The following ARL5C variants were observed in gnomAD, a reference collection of about 807,000 sequenced individuals.
The protein encoded by ARL5C is ARF like GTPase 5C.
In ARL5C, 21 loss-of-function variants were observed where a neutral mutation model predicts 20.8. The ratio of observed to expected loss-of-function variants is 1.01; its 90% CI spans 0.72 to 1.46. The LOEUF (loss-of-function observed/expected upper bound fraction) is 1.46. ARL5C is among the 40% of genes most tolerant of loss of function. ARL5C has a pLI of 0.00. For missense variants in ARL5C, 199 were observed against 225.1 expected (o/e 0.88, Z 0.74); for synonymous variants, 71 against 81.6 (o/e 0.87, Z 0.70).
At chr17:39,158,828 C>T (rs1224383148) in intron 5 of ARL5C, among the ~76,000 whole-genome samples, 1 of 151,852 alleles carries the variant, frequency 6.6e-6, no homozygotes, top group East Asian at 1.9e-4. Context: ...CACACTTCCA[C>T]TCTCCCTTTT....
intron 5 of ARL5C, among the ~76,000 whole-genome samples, chr17:39,159,276 C>T (rs1185915504): frequency 3.5e-5 from 5 of 144,380 alleles, no homozygotes; most frequent in East Asian, 4.0e-4. Context: ...GGCCTCAAGC[C>T]GTTTACCATT....
Position 39,162,733 on chromosome 17 carries a change from T to C in ARL5C, c.233A>G (p.Asn78Ser). The C allele has an allele frequency of 6.4e-7, 1 of 1,551,720 alleles. No individual in the cohort carries two copies. Among genetic ancestry groups the C allele is most frequent in the South Asian group, 1.2e-5 (1 of 84,050 alleles). Residue 78 changes from asparagine (N) to serine (S), a missense_variant, in exon 3 of 6, where the codon AAC (asparagine) becomes AGC (serine). Transcript: ENST00000269586. ...VRPEALSFIW[N>S]TYYSNTEFII... Reference sequence around the variant, plus strand: ...CACCTCAGTGTTGGAGTAGTATGTGTTCCAGATAAAGCTCAGAGCCTCAGG... The same window carrying C: ...CACCTCAGTGTTGGAGTAGTATGTGCTCCAGATAAAGCTCAGAGCCTCAGG...
At position 39,166,070 on chromosome 17, in the gene ARL5C, C is replaced by T. The variant is rs1045813568; in HGVS notation, c.-310G>A. The T allele has an allele frequency of 2.4e-6, 1 of 419,322 alleles. No homozygotes were observed. Among genetic ancestry groups the T allele is most frequent in the African/African-American group, 2.0e-5 (1 of 49,792 alleles). 26.0% of individuals were successfully genotyped at this position (419,322 alleles called of 1,614,324 possible). A position where few individuals can be genotyped will look rare whatever the true frequency, so the allele number is the denominator to read the frequency against. On this transcript the variant is annotated 5_prime_UTR_variant, in exon 1 of 6. Transcript: ENST00000269586. ...TCCTGAGTTCTCCGGGTGGACTGCT[C>T]CACTACCGCAAATCAGGGGAGACTC...
intron 2 of ARL5C, chr17:39,164,069 T>TTTGTTGTTGTTGTTGTTG (rs58982654): frequency 6.6e-6 from 1 of 150,934 alleles, no homozygotes; most frequent in African/African-American, 2.4e-5. Flanking sequence ...TGCTCAGCCC[T>TTTGTTGTTGTTGTTGTTG]TTGTTGTTGT....
At chr17:39,158,861 G>A (rs929354599) in intron 5 of ARL5C, among the ~76,000 whole-genome samples, 3 of 151,540 alleles carry the variant, frequency 2.0e-5, no homozygotes, top group African/African-American at 7.3e-5. Context: ...TTTGCTTTTG[G>A]AAATGGGGGT....
At chr17:39,164,954 C>G in intron 2 of ARL5C, 125 bp downstream of exon 2, 1 of 943,704 alleles carries the variant, frequency 1.1e-6, no homozygotes, top group Non-Finnish European at 1.6e-6. Flanking sequence ...GCAGCGTGCC[C>G]AATCGCTCCT....
intron 2 of ARL5C, among the ~76,000 whole-genome samples, chr17:39,163,692 A>C (rs1597669187): frequency 7.4e-6 from 1 of 134,782 alleles, no homozygotes. Context: ...GCATCCGGCC[A>C]CAGTTTTGCT....
At chr17:39,163,345 C>CCTTTCTTTCTTTCTTTCTTTCTTTTT (rs2045444153) in intron 2 of ARL5C, among the ~76,000 whole-genome samples, 1 of 136,740 alleles carries the variant, frequency 7.3e-6, no homozygotes, top group East Asian at 2.3e-4. Context: ...CAGGCTTTTG[C>CCTTTCTTTCTTTCTTTCTTTCTTTTT]CTTTCTTTCT....
intron 5 of ARL5C, among the ~76,000 whole-genome samples, chr17:39,159,586 C>T (rs985247950): frequency 4.6e-5 from 7 of 151,982 alleles, no homozygotes; most frequent in South Asian, 2.1e-4. Flanking sequence ...CATGAGCCAC[C>T]GCGCCCCGCC....
Position 39,165,821 on chromosome 17 carries a change from C to T in ARL5C, c.-61G>A. On this transcript the variant is annotated 5_prime_UTR_variant, in exon 1 of 6. Coordinates refer to ENST00000269586, the MANE Select transcript of ARL5C (RefSeq NM_001143968.1). ...AGCGGCCTCAGGAGCGGAGTCGGCCCTGGTATTCGGAGCTCCGCTCCCCCG... is the reference window on the plus strand; with the variant it reads ...AGCGGCCTCAGGAGCGGAGTCGGCCTTGGTATTCGGAGCTCCGCTCCCCCG... 1 of 1,542,520 alleles carries T rather than the reference C, an allele frequency of 6.5e-7. No individual in the cohort carries two copies. Among genetic ancestry groups the T allele is most frequent in the Non-Finnish European group, 8.8e-7 (1 of 1,139,664 alleles).
At chr17:39,161,824 T>A (rs1169286756) in intron 3 of ARL5C, among the ~76,000 whole-genome samples, 1 of 152,170 alleles carries the variant, frequency 6.6e-6, no homozygotes, top group Non-Finnish European at 1.5e-5. Flanking sequence ...CCTGTAATTG[T>A]CTTTTCTATC....
intron 4 of ARL5C, among the ~76,000 whole-genome samples, chr17:39,161,044 G>T (rs980462799): frequency 2.0e-5 from 3 of 152,222 alleles, no homozygotes; most frequent in African/African-American, 7.2e-5. Flanking sequence ...TACAGTGAAT[G>T]AAAGATGGAG....
chr17:39,162,767 T>C lies in ARL5C; in HGVS notation c.199A>G (p.Ile67Val). 10 of 1,551,744 alleles carry C rather than the reference T, an allele frequency of 6.4e-6. No individual in the cohort carries two copies. The highest frequency in any genetic ancestry group is 1.4e-5 in the African/African-American group (1 of 73,176). ...LPKTHFFMWD[I>V]VRPEALSFIW... Reference sequence around the variant, plus strand: ...AAGCTCAGAGCCTCAGGTCTCACTATGTCCCACATGAAGAAGTGGGTCTTC... The same window carrying C: ...AAGCTCAGAGCCTCAGGTCTCACTACGTCCCACATGAAGAAGTGGGTCTTC... The change falls in exon 3 of 6, where the codon ATA becomes GTA. Residue 67 changes from isoleucine to valine, a missense_variant. By Grantham distance (29) the Ile-to-Val change is conservative. Coordinates refer to ENST00000269586, the MANE Select transcript of ARL5C (RefSeq NM_001143968.1).
In ARL5C at chr17:39,165,819, C is replaced by A; in HGVS notation, c.-59G>T. 3.2e-6 allele frequency: 5 copies of A among 1,542,336 alleles called. No individual in the cohort carries two copies. Reference sequence around the variant, plus strand: ...TCAGCGGCCTCAGGAGCGGAGTCGGCCCTGGTATTCGGAGCTCCGCTCCCC... The same window carrying A: ...TCAGCGGCCTCAGGAGCGGAGTCGGACCTGGTATTCGGAGCTCCGCTCCCC... On this transcript the variant is annotated 5_prime_UTR_variant, in exon 1 of 6. Transcript: ENST00000269586.
At chr17:39,163,148 C>G (rs1310570491) in intron 2 of ARL5C, among the ~76,000 whole-genome samples, 1 of 152,062 alleles carries the variant, frequency 6.6e-6, no homozygotes, top group Non-Finnish European at 1.5e-5. Context: ...ACTGTGTTGC[C>G]CAGGCTTACC....
At chr17:39,163,472 C>T (rs113650139) in intron 2 of ARL5C, among the ~76,000 whole-genome samples, 37 of 151,170 alleles carry the variant, frequency 2.4e-4, no homozygotes, top group Non-Finnish European at 4.9e-4. Flanking sequence ...AGTGTAGGTA[C>T]GATCATGTCT....
At chr17:39,159,057 G>T (rs1391146187) in intron 5 of ARL5C, among the ~76,000 whole-genome samples, 2 of 88,302 alleles carry the variant, frequency 2.3e-5, no homozygotes, top group African/African-American at 8.6e-5. Flanking sequence ...TTTGAGACAG[G>T]ATCTTGCTAT....
At position 39,162,728 on chromosome 17, in the gene ARL5C, A is replaced by G. The variant is rs1243053820; in HGVS notation, c.238T>C (p.Tyr80His). ...PEALSFIWNT[Y>H]YSNTEFIILV... ...CTCCTCACCTCAGTGTTGGAGTAGT[A>G]TGTGTTCCAGATAAAGCTCAGAGCC... Residue 80 changes from tyrosine (Y) to histidine (H), a missense_variant, in exon 3 of 6, where the codon TAC (tyrosine) becomes CAC (histidine). Tyr to His is a moderately conservative substitution (Grantham distance 83, BLOSUM62 2). Coordinates refer to ENST00000269586, the MANE Select transcript of ARL5C (RefSeq NM_001143968.1). 6.4e-6 allele frequency: 10 copies of G among 1,551,546 alleles called. No homozygotes were observed. Among genetic ancestry groups the G allele is most frequent in the Admixed American group, 2.0e-5 (1 of 50,970 alleles).
chr17:39,163,075 A>C (rs775137329), intron 2 of ARL5C, among the ~76,000 whole-genome samples: 1 of 152,190 alleles, frequency 6.6e-6, no homozygotes, highest in African/African-American at 2.4e-5. Context: ...AGAGAAGGGA[A>C]ACATCTTAGA....
Sources: allele counts gnomAD v4.1 joint callset (sites outside exome capture counted in the v4.1 genomes callset), GRCh38; gene constraint gnomAD v4.1.1; transcripts MANE v1.5; gene names NCBI Gene and HGNC (gene_info 2026-07-23, HGNC 2026-07-21).